EXOC6B: variants seen among roughly 807,000 people sequenced by gnomAD.
The protein encoded by EXOC6B is exocyst complex component 6B.
EXOC6B carries 54 observed loss-of-function variants against 113.5 expected under a neutral mutation model. The ratio of observed to expected loss-of-function variants is 0.48; its 90% CI spans 0.38 to 0.60. EXOC6B has a LOEUF of 0.60. Ranked by LOEUF, EXOC6B falls within the 20% of genes least tolerant of loss-of-function variation. EXOC6B has a pLI of 0.00. For missense variants in EXOC6B, 797 were observed against 977.5 expected (o/e 0.82, Z 2.46); for synonymous variants, 357 against 339.0 (o/e 1.05, Z -0.58).
At chr2:72,683,451 T>C (rs1260628437) in intron 6 of EXOC6B, among the ~76,000 whole-genome samples, 2 of 152,248 alleles carry the variant, frequency 1.3e-5, no homozygotes, top group East Asian at 1.9e-4. Flanking sequence ...GGCTATAATT[T>C]GTATGCATAG....
intron 20 of EXOC6B, among the ~76,000 whole-genome samples, chr2:72,303,315 T>C (rs1686646693): frequency 6.6e-6 from 1 of 152,298 alleles, no homozygotes; most frequent in Non-Finnish European, 1.5e-5. Flanking sequence ...TCAAGGATGA[T>C]ATCCTAAAAT....
At chr2:72,250,207 T>A (rs901483252) in intron 20 of EXOC6B, among the ~76,000 whole-genome samples, 32 of 152,326 alleles carry the variant, frequency 2.1e-4, no homozygotes, top group African/African-American at 7.7e-4. Flanking sequence ...AGTCTCCAAA[T>A]TCTTGTATAA....
intron 6 of EXOC6B, among the ~76,000 whole-genome samples, chr2:72,676,126 T>TAAAA (rs879652258): frequency 7.2e-6 from 1 of 138,598 alleles, no homozygotes. Context: ...CATTCTAGTT[T>TAAAA]AAAAAAAAAA....
intron 18 of EXOC6B, among the ~76,000 whole-genome samples, chr2:72,403,862 G>T (rs1693524531): frequency 6.6e-6 from 1 of 152,270 alleles, no homozygotes; most frequent in South Asian, 2.1e-4. Context: ...GACAGAGGGT[G>T]CAGGACAGTG....
chr2:72,270,692 A>G (rs1264277729), intron 20 of EXOC6B, among the ~76,000 whole-genome samples: 1 of 152,114 alleles, frequency 6.6e-6, no homozygotes, highest in African/African-American at 2.4e-5. Flanking sequence ...ATGTATCAGT[A>G]GCAGATACAG....
In EXOC6B at chr2:72,398,947, T is replaced by G. The variant is rs573946580; in HGVS notation, c.1981-19077A>C. Among the ~76,000 whole-genome samples the G allele has an allele frequency of 7.0e-5, 10 of 142,862 alleles. No individual in the cohort carries two copies. In the South Asian group the frequency reaches 2.2e-3, roughly 32 times the overall value. The allele number at this position is 142,862 out of a possible 152,430, so 93.7% of individuals were successfully genotyped here. ...AAAACAATAAAAAGAAAATAGTAAA[T>G]CCTCCCTAATTCATTCTATGAAGCC... On this transcript the variant is annotated intron_variant, in intron 18 of 21. Coordinates refer to ENST00000272427, the MANE Select transcript of EXOC6B (RefSeq NM_015189.3).
At chr2:72,521,059 T>C (rs1701456901) in intron 8 of EXOC6B, among the ~76,000 whole-genome samples, 2 of 152,062 alleles carry the variant, frequency 1.3e-5, no homozygotes. Flanking sequence ...ACCAACATAG[T>C]AGTAAGAGAT....
intron 1 of EXOC6B, among the ~76,000 whole-genome samples, chr2:72,776,329 C>A (rs527763118): frequency 2.4e-4 from 37 of 152,206 alleles, no homozygotes; most frequent in African/African-American, 8.7e-4. Context: ...AAAATGTTAA[C>A]CTTCTGGCCA....
At chr2:72,345,024 G>A (rs527262560) in intron 19 of EXOC6B, among the ~76,000 whole-genome samples, 1 of 152,130 alleles carries the variant, frequency 6.6e-6, no homozygotes, top group South Asian at 2.1e-4. Context: ...TGCCCACTCT[G>A]GCTCCCATAA....
At chr2:72,266,536 C>G in intron 20 of EXOC6B, among the ~76,000 whole-genome samples, 1 of 151,504 alleles carries the variant, frequency 6.6e-6, no homozygotes, top group African/African-American at 2.4e-5. Flanking sequence ...GCTTGTTTTT[C>G]TCAGGTTTGT....
intron 15 of EXOC6B, among the ~76,000 whole-genome samples, chr2:72,494,824 C>G (rs752944774): frequency 2.0e-5 from 3 of 152,086 alleles, no homozygotes; most frequent in Non-Finnish European, 4.4e-5. Context: ...CAAGCAGCAT[C>G]TGACAAATAA....
intron 6 of EXOC6B, among the ~76,000 whole-genome samples, chr2:72,648,009 G>A (rs1396240414): frequency 6.6e-6 from 1 of 152,160 alleles, no homozygotes; most frequent in Non-Finnish European, 1.5e-5. Context: ...CAGAATGGGA[G>A]AAAATTTTGC....
At chr2:72,533,114 G>A (rs1470211404) in intron 8 of EXOC6B, among the ~76,000 whole-genome samples, 1 of 152,136 alleles carries the variant, frequency 6.6e-6, no homozygotes, top group Non-Finnish European at 1.5e-5. Context: ...TTTCTGAATG[G>A]GAGGACCCAA....
intron 20 of EXOC6B, among the ~76,000 whole-genome samples, chr2:72,231,442 A>G (rs559469128): frequency 2.0e-5 from 3 of 152,346 alleles, no homozygotes; most frequent in Admixed American, 2.0e-4. Flanking sequence ...ATAGAACAAT[A>G]AGAGAAATTC....
intron 20 of EXOC6B, among the ~76,000 whole-genome samples, chr2:72,247,842 T>C (rs571039679): frequency 6.6e-6 from 1 of 152,338 alleles, no homozygotes; most frequent in African/African-American, 2.4e-5. Context: ...ATTCATCTTA[T>C]GGGGAAGTTT....
At chr2:72,794,267 A>G (rs577548532) in intron 1 of EXOC6B, among the ~76,000 whole-genome samples, 1 of 152,318 alleles carries the variant, frequency 6.6e-6, no homozygotes, top group East Asian at 1.9e-4. Context: ...GTGTCACATG[A>G]GTCTCCAACT....
intron 1 of EXOC6B, among the ~76,000 whole-genome samples, chr2:72,762,881 AATG>A (rs1682825931): frequency 6.6e-6 from 1 of 152,160 alleles, no homozygotes; most frequent in African/African-American, 2.4e-5. Flanking sequence ...AAATATAATT[AATG>A]ATAACTCAAA....
intron 6 of EXOC6B, among the ~76,000 whole-genome samples, chr2:72,624,180 C>T (rs1438234333): frequency 3.3e-5 from 5 of 151,942 alleles, no homozygotes. Context: ...GCCCTGTCAC[C>T]CAGGATGGAA....
chr2:72,590,221 G>C (rs1705849065), intron 6 of EXOC6B, among the ~76,000 whole-genome samples: 2 of 151,874 alleles, frequency 1.3e-5, no homozygotes, highest in South Asian at 4.1e-4. Context: ...TCCATACAAA[G>C]AAATTTTGAT....
Sources: gnomAD v4.1 joint callset for allele counts (sites outside exome capture counted in the v4.1 genomes callset) on GRCh38, gnomAD v4.1.1 for gene constraint, MANE v1.5 for transcripts, NCBI Gene and HGNC (gene_info 2026-07-23, HGNC 2026-07-21) for gene names.